The following MATN2 variants were observed in gnomAD, a reference collection of about 807,000 sequenced individuals.
MATN2 encodes matrilin 2.
MATN2 carries 69 observed loss-of-function variants against 103.2 expected under a neutral mutation model. The observed-to-expected ratio is 0.67, with a 90% CI of 0.55 to 0.82. The LOEUF (loss-of-function observed/expected upper bound fraction) is 0.82, where lower values mean the gene tolerates loss of function less well. MATN2 is among the 40% of genes least tolerant of loss of function. The pLI is 0.00. For missense variants in MATN2, 1,023 were observed against 1,211.5 expected (o/e 0.84, Z 2.31); for synonymous variants, 429 against 450.2 (o/e 0.95, Z 0.60).
intron 5 of MATN2, among the ~76,000 whole-genome samples, chr8:97,976,843 G>A (rs2513848): frequency 0.53 from 80,609 of 151,674 alleles, 23,553 homozygotes; most frequent in Middle Eastern, 0.7. Context: ...AATCCTGTTA[G>A]CCCCACCTTC....
At chr8:97,906,997 CTTTTTTTTT>C (rs61459656) in intron 2 of MATN2, among the ~76,000 whole-genome samples, 3 of 116,144 alleles carry the variant, frequency 2.6e-5, no homozygotes, top group Non-Finnish European at 5.3e-5. Flanking sequence ...CCATAGCTGA[CTTTTTTTTT>C]TTTTTTTTTT....
At chr8:97,998,438 C>T (rs566486284) in intron 7 of MATN2, among the ~76,000 whole-genome samples, 473 of 146,732 alleles carry the variant, frequency 3.2e-3, no homozygotes, top group African/African-American at 0.011. Context: ...AGGAGAATGG[C>T]GTGAACCTGG....
intron 10 of MATN2, among the ~76,000 whole-genome samples, chr8:98,012,938 C>T (rs1403785140): frequency 6.6e-6 from 1 of 152,116 alleles, no homozygotes; most frequent in Non-Finnish European, 1.5e-5. Flanking sequence ...CTTCCAGCAC[C>T]CAAACAAGGA....
Position 97,888,058 on chromosome 8 carries a change from T to G in MATN2, c.-26-17T>G, listed in dbSNP as rs973610778. ...GAAATCTCACCCTGCCCTCTTCTTG[T>G]GTTGTGTTTGTCACAGCCTTGCCCC... On this transcript the variant is annotated splice_polypyrimidine_tract_variant and intron_variant, in intron 1 of 18. Coordinates refer to ENST00000254898, the MANE Select transcript of MATN2 (RefSeq NM_002380.5). 1.6e-5 allele frequency: 26 copies of G among 1,593,102 alleles called. No homozygotes were observed. The highest frequency in any genetic ancestry group is 2.0e-5 in the Non-Finnish European group (24 of 1,171,582).
At position 98,007,455 on chromosome 8, in the gene MATN2, G is replaced by T; in HGVS notation, c.1451-24G>T. 1 of 1,604,948 alleles carries T rather than the reference G, an allele frequency of 6.2e-7. No individual in the cohort carries two copies. The highest frequency in any genetic ancestry group is 8.5e-7 in the Non-Finnish European group (1 of 1,172,392). ...CGCCCAGAGGTCTCACTGATAAAGG[G>T]CTGCCTGGCTTTTGGTTTTGCAGGG... On this transcript the variant is annotated intron_variant, in intron 9 of 18. Transcript: ENST00000254898. The surrounding 1 kb of genome is among the most constrained non-coding windows in gnomAD (Gnocchi z 4.2).
chr8:97,963,268 G>A (rs1428776899), intron 5 of MATN2, among the ~76,000 whole-genome samples: 1 of 152,162 alleles, frequency 6.6e-6, no homozygotes, highest in Non-Finnish European at 1.5e-5. Flanking sequence ...AGTGCTGTTT[G>A]GTCAGGAGGA....
Position 97,941,768 on chromosome 8 carries a change from C to A in MATN2, c.713-9C>A. ...CTGTTGACTTACCTTCCTGTGTCTTCCCTTTCAGCGGCCCATATGTGCAGC... is the reference window on the plus strand; with the variant it reads ...CTGTTGACTTACCTTCCTGTGTCTTACCTTTCAGCGGCCCATATGTGCAGC... On this transcript the variant is annotated splice_polypyrimidine_tract_variant and intron_variant, in intron 3 of 18. Transcript: ENST00000254898. 6.3e-7 allele frequency: 1 copy of A among 1,578,084 alleles called. No individual in the cohort carries two copies. Among genetic ancestry groups the A allele is most frequent in the Admixed American group, 1.9e-5 (1 of 53,424 alleles).
At chr8:98,008,886 G>A (rs115811320) in intron 10 of MATN2, among the ~76,000 whole-genome samples, 1,541 of 152,242 alleles carry the variant, frequency 0.01, 16 homozygotes, top group African/African-American at 0.035. Flanking sequence ...AGGACCCTAC[G>A]AAATTCTCAT....
intron 3 of MATN2, among the ~76,000 whole-genome samples, chr8:97,941,186 GA>G (rs1274606689): frequency 2.9e-5 from 2 of 70,080 alleles, no homozygotes; most frequent in African/African-American, 1.3e-4. Context: ...AAAAAAAAAA[GA>G]AAGAAAGAAA....
intron 4 of MATN2, among the ~76,000 whole-genome samples, chr8:97,947,350 G>A (rs867433758): frequency 6.6e-6 from 1 of 152,062 alleles, no homozygotes; most frequent in Non-Finnish European, 1.5e-5. Flanking sequence ...GCAACAGAGC[G>A]AGACTCCGTC....
intron 3 of MATN2, among the ~76,000 whole-genome samples, chr8:97,933,696 G>A (rs1023763244): frequency 2.0e-5 from 3 of 151,986 alleles, no homozygotes; most frequent in East Asian, 3.9e-4. Flanking sequence ...AAACATTAGC[G>A]TTATCCCGCT....
At chr8:97,888,935 A>T (rs886348766) in intron 2 of MATN2, among the ~76,000 whole-genome samples, 6 of 152,118 alleles carry the variant, frequency 3.9e-5, no homozygotes, top group Non-Finnish European at 8.8e-5. Flanking sequence ...ATGTGATATA[A>T]CGTAGGTGAT....
intron 2 of MATN2, among the ~76,000 whole-genome samples, chr8:97,893,062 A>G (rs773226769): frequency 1.4e-4 from 21 of 152,282 alleles, no homozygotes; most frequent in Admixed American, 7.8e-4. Flanking sequence ...TTCATTTTGC[A>G]GGGGTAGGAG....
chr8:98,014,142 A>AG (rs1813277972), intron 10 of MATN2, among the ~76,000 whole-genome samples: 1 of 152,166 alleles, frequency 6.6e-6, no homozygotes, highest in South Asian at 2.1e-4. Context: ...AGCTGAAGCT[A>AG]GGAGGACAGG....
chr8:97,908,731 A>C (rs757250881), intron 2 of MATN2, among the ~76,000 whole-genome samples: 1 of 151,914 alleles, frequency 6.6e-6, no homozygotes, highest in Non-Finnish European at 1.5e-5. Context: ...TCCTGGTTTC[A>C]AGTGATTTTC....
chr8:98,025,957 C>T (rs564446225), intron 13 of MATN2, among the ~76,000 whole-genome samples: 2 of 151,810 alleles, frequency 1.3e-5, no homozygotes, highest in East Asian at 2.0e-4. Flanking sequence ...GCAGGTGAAT[C>T]GCCTGAGGTC....
At chr8:97,892,588 G>T (rs956314584) in intron 2 of MATN2, among the ~76,000 whole-genome samples, 1 of 152,120 alleles carries the variant, frequency 6.6e-6, no homozygotes, top group Non-Finnish European at 1.5e-5. Flanking sequence ...GTTGGAAAAG[G>T]GAAGAGCATT....
intron 14 of MATN2, 148 bp downstream of exon 14, chr8:98,027,977 G>A: frequency 1.3e-6 from 1 of 757,324 alleles, no homozygotes. Flanking sequence ...TTACTACCCT[G>A]CCACCTAGAA....
chr8:97,919,613 G>A (rs533178145), intron 2 of MATN2, among the ~76,000 whole-genome samples: 20 of 152,240 alleles, frequency 1.3e-4, no homozygotes, highest in Admixed American at 8.5e-4. Context: ...GCTGACCAGC[G>A]TTCCCAGCCC....
Sources: gnomAD v4.1 joint callset for allele counts (sites outside exome capture counted in the v4.1 genomes callset) on GRCh38, gnomAD v4.1.1 for gene constraint, Gnocchi (gnomAD v3.1) non-coding constraint, MANE v1.5 for transcripts, NCBI Gene and HGNC (gene_info 2026-07-23, HGNC 2026-07-21) for gene names.